The following HDAC4 variants were observed in gnomAD, a reference collection of about 807,000 sequenced individuals.
HDAC4 encodes the protein histone deacetylase A.
In HDAC4, 16 loss-of-function variants were observed where a neutral mutation model predicts 135.1. That is an observed-to-expected ratio of 0.12 (90% confidence interval 0.08 to 0.18). The LOEUF is 0.18. Among genes scored for constraint, HDAC4 ranks in the 10% least tolerant of loss-of-function variants. The pLI is 1.00. For synonymous variants in HDAC4, 685 were observed against 653.4 expected, an observed-to-expected ratio of 1.05 and a Z score of -0.74; for missense variants, 1,143 against 1,511.8, an observed-to-expected ratio of 0.76 and a Z score of 4.05.
chr2:239,087,688 A>C, intron 18 of HDAC4, 74 bp from the exon 19 acceptor site: 1 of 1,421,152 alleles, frequency 7.0e-7, no homozygotes, highest in East Asian at 2.3e-5. Flanking sequence ...ATGGTTGCAC[A>C]CTCAACTTTT....
chr2:239,235,417 C>T (rs1181287659), intron 3 of HDAC4, among the ~76,000 whole-genome samples: 1 of 152,230 alleles, frequency 6.6e-6, no homozygotes, highest in East Asian at 1.9e-4. Context: ...CTAACTGGGG[C>T]ACCGGAGGGC....
intron 3 of HDAC4, among the ~76,000 whole-genome samples, chr2:239,229,932 T>C (rs2047443176): frequency 6.6e-6 from 1 of 151,712 alleles, no homozygotes; most frequent in Non-Finnish European, 1.5e-5. Context: ...AATGCAAATT[T>C]CCCCCCCAAG....
At chr2:239,192,647 A>G (rs905095913) in intron 3 of HDAC4, among the ~76,000 whole-genome samples, 1 of 152,110 alleles carries the variant, frequency 6.6e-6, no homozygotes, top group Non-Finnish European at 1.5e-5. Context: ...CTGAACACAC[A>G]GTCTCGTGAA....
chr2:239,074,585 G>A (rs1208163529), intron 22 of HDAC4, among the ~76,000 whole-genome samples: 1 of 152,238 alleles, frequency 6.6e-6, no homozygotes, highest in East Asian at 1.9e-4. Context: ...ACAGTCGGAT[G>A]CACGTGCCCA....
At chr2:239,084,302 C>A in intron 19 of HDAC4, 60 bp from the exon 20 acceptor site, 2 of 1,247,700 alleles carry the variant, frequency 1.6e-6, no homozygotes, top group Admixed American at 3.8e-5. Context: ...AGTTTCTCCA[C>A]GGCCCGCCAG....
intron 3 of HDAC4, among the ~76,000 whole-genome samples, chr2:239,231,435 G>C (rs995286552): frequency 6.9e-6 from 1 of 145,810 alleles, no homozygotes; most frequent in African/African-American, 2.5e-5. Context: ...CACGGGATCT[G>C]AGGCTCTGGC....
chr2:239,264,814 G>T (rs981961600), intron 2 of HDAC4, among the ~76,000 whole-genome samples: 3 of 152,222 alleles, frequency 2.0e-5, no homozygotes, highest in South Asian at 2.1e-4. Context: ...CTGGCCCACT[G>T]CTGCCCCGTC....
intron 3 of HDAC4, among the ~76,000 whole-genome samples, chr2:239,211,723 T>C (rs1318574007): frequency 6.6e-6 from 1 of 152,196 alleles, no homozygotes; most frequent in Non-Finnish European, 1.5e-5. Flanking sequence ...CACTTTGCTT[T>C]CACTGAGCTG....
chr2:239,341,714 G>A (rs575904226), intron 2 of HDAC4, among the ~76,000 whole-genome samples: 1 of 152,256 alleles, frequency 6.6e-6, no homozygotes, highest in Admixed American at 6.5e-5. Context: ...TATTTAAAAA[G>A]GAATACCTTT....
chr2:239,134,515 G>C lies in HDAC4; in HGVS notation c.1095+12C>G, dbSNP rs752455513. 6.2e-7 allele frequency: 1 copy of C among 1,613,798 alleles called. No homozygotes were observed. The highest frequency in any genetic ancestry group is 8.5e-7 in the Non-Finnish European group (1 of 1,179,806). ...CACCCCACACCACACGGACCCACGG[G>C]GGCTGACTTACCGCAGAGGGGCCGG... On this transcript the variant is annotated intron_variant, in intron 10 of 26. Transcript: ENST00000543185.
intron 1 of HDAC4, among the ~76,000 whole-genome samples, chr2:239,357,383 A>C (rs1398993414): frequency 6.6e-6 from 1 of 152,114 alleles, no homozygotes; most frequent in African/African-American, 2.4e-5. Context: ...TTAGAAAAGA[A>C]GGCCTCAATT....
At chr2:239,389,758 G>T (rs1248916173) in intron 1 of HDAC4, among the ~76,000 whole-genome samples, 1 of 152,180 alleles carries the variant, frequency 6.6e-6, no homozygotes, top group Non-Finnish European at 1.5e-5. Context: ...CTCAGCATCT[G>T]TCCCCTTCCC....
intron 2 of HDAC4, among the ~76,000 whole-genome samples, chr2:239,269,722 G>A (rs1447585512): frequency 6.6e-6 from 1 of 152,144 alleles, no homozygotes; most frequent in African/African-American, 2.4e-5. Flanking sequence ...CAGAGGCTGA[G>A]TTTCTACACA....
chr2:239,162,711 G>A (rs1026686933), intron 6 of HDAC4, among the ~76,000 whole-genome samples: 1 of 152,128 alleles, frequency 6.6e-6, no homozygotes, highest in Non-Finnish European at 1.5e-5. Context: ...TGTCTGCCGT[G>A]AGTGCAGCTT....
intron 2 of HDAC4, among the ~76,000 whole-genome samples, chr2:239,304,802 A>G (rs1045513921): frequency 1.3e-5 from 2 of 152,186 alleles, no homozygotes; most frequent in Non-Finnish European, 2.9e-5. Flanking sequence ...CTGACTGTCC[A>G]AGCAGAAACA....
Position 239,068,336 on chromosome 2 carries a change from A to AT in HDAC4, c.2869+152dup, listed in dbSNP as rs1471645093. ...CTCTGGGCTCTCTGGGGCCTCCCAA[A>AT]TGGACTGGTTCCCAGTACGGTCAGA... is the stretch of plus-strand genomic sequence containing the variant. On this transcript the variant is annotated intron_variant, in intron 23 of 26. Transcript: ENST00000543185. This position sits in a 1 kb window ranked among gnomAD's most constrained non-coding sequence, Gnocchi z 4.4. Among the ~76,000 whole-genome samples, 1 of 152,104 alleles carries AT rather than the reference A, an allele frequency of 6.6e-6. No homozygotes were observed. The highest frequency in any genetic ancestry group is 2.4e-5 in the African/African-American group (1 of 41,426).
At chr2:239,161,756 C>G (rs531184708) in intron 6 of HDAC4, 58 of 416,572 alleles carry the variant, frequency 1.4e-4, no homozygotes, top group Non-Finnish European at 2.5e-4. Context: ...CCTTGAACAC[C>G]CAGCTCACCC....
intron 14 of HDAC4, among the ~76,000 whole-genome samples, chr2:239,108,863 G>A (rs1179108453): frequency 6.6e-6 from 1 of 152,228 alleles, no homozygotes; most frequent in East Asian, 1.9e-4. Context: ...CCAGGGTGCG[G>A]CAGCCACAGA....
intron 3 of HDAC4, among the ~76,000 whole-genome samples, chr2:239,200,677 A>G (rs1453074981): frequency 1.3e-5 from 2 of 152,260 alleles, no homozygotes; most frequent in South Asian, 2.1e-4. Flanking sequence ...ATCAAAATGT[A>G]AAGAAATAAA....
Sources: gnomAD v4.1 joint callset for allele counts (sites outside exome capture counted in the v4.1 genomes callset) on GRCh38, gnomAD v4.1.1 for gene constraint, Gnocchi (gnomAD v3.1) non-coding constraint, MANE v1.5 for transcripts, NCBI Gene and HGNC (gene_info 2026-07-23, HGNC 2026-07-21) for gene names.